CSMD2: variants seen among roughly 807,000 people sequenced by gnomAD.
CSMD2 encodes the protein CUB and Sushi multiple domains 2, also known as CUB and sushi domain-containing protein 2.
CSMD2 carries 130 observed loss-of-function variants against 398.5 expected under a neutral mutation model. That is an observed-to-expected ratio of 0.33 (90% CI 0.28 to 0.38). The LOEUF (loss-of-function observed/expected upper bound fraction) is 0.38, where lower values mean the gene tolerates loss of function less well. Among genes scored for constraint, CSMD2 ranks in the 10% least tolerant of loss-of-function variants. CSMD2 has a pLI of 1.00. For synonymous variants in CSMD2, 1,828 were observed against 1,908.5 expected (o/e 0.96, Z 1.10); for missense variants, 3,829 against 4,764.9 (o/e 0.80, Z 5.78).
intron 5 of CSMD2, among the ~76,000 whole-genome samples, chr1:33,855,145 C>T (rs868109989): frequency 6.6e-6 from 1 of 152,174 alleles, no homozygotes; most frequent in South Asian, 2.1e-4. Flanking sequence ...TTCTGAGTTG[C>T]CCACTCCGTC....
chr1:33,940,442 A>T (rs1236634820), intron 3 of CSMD2, among the ~76,000 whole-genome samples: 4 of 151,986 alleles, frequency 2.6e-5, no homozygotes. Context: ...CCTACCCCTG[A>T]GTGCCTAGTA....
chr1:33,764,601 G>A lies in CSMD2; in HGVS notation c.1846+7968C>T, dbSNP rs114568761. ...TCTGTAGGTCAATGAAACCTTGAAA[G>A]AAGTCTAGAGAAATGAGGGGAATGT... On this transcript the variant is annotated intron_variant, in intron 13 of 70. Coordinates refer to ENST00000373381, the MANE Select transcript of CSMD2 (RefSeq NM_001281956.2). 5.6e-3 allele frequency among the ~76,000 whole-genome samples: 856 copies of A among 152,322 alleles called. 10 individuals are homozygous for A. The highest frequency in any genetic ancestry group is 0.02 in the African/African-American group (833 of 41,578).
rs149704396 is a variant in CSMD2 at position 33,550,272 on chromosome 1, C to T, written c.8822G>A (p.Arg2941Gln). ...GDSYTVGAVV[R>Q]YSCIGKRTLV... ...AGTACGCTTGCCGATGCAGCTGTAC[C>T]GCACCACTGCTCCCACAGTATAACT... The change falls in exon 56 of 71, where the codon CGG becomes CAG. Residue 2941 changes from arginine to glutamine, a missense_variant. Physicochemically the swap from Arg to Gln is conservative, Grantham distance 43. This residue lies in a region of CSMD2 where 917 missense variants were observed against 1,199.5 expected (regional missense o/e 0.76). Transcript: ENST00000373381. 1.1e-3 allele frequency: 1,719 copies of T among 1,614,172 alleles called. 3 individuals are homozygous for T. Among genetic ancestry groups the T allele is most frequent in the Admixed American group, 1.3e-3 (80 of 60,028 alleles).
chr1:33,597,441 T>C (rs1639915518), intron 44 of CSMD2, among the ~76,000 whole-genome samples: 1 of 152,218 alleles, frequency 6.6e-6, no homozygotes, highest in South Asian at 2.1e-4. Context: ...CTCTTTCTCC[T>C]TGGAGCAGGA....
At chr1:33,574,748 C>A (rs949539011) in intron 49 of CSMD2, among the ~76,000 whole-genome samples, 9 of 152,206 alleles carry the variant, frequency 5.9e-5, no homozygotes, top group South Asian at 2.1e-4. Context: ...GGATCAGGAA[C>A]ACAGAAGGAA....
At chr1:33,706,199 T>A (rs193008278) in intron 22 of CSMD2, among the ~76,000 whole-genome samples, 1 of 152,322 alleles carries the variant, frequency 6.6e-6, no homozygotes, top group East Asian at 1.9e-4. Flanking sequence ...TTATTTAATT[T>A]ATTCGTGCTA....
At chr1:33,589,262 T>C (rs2781790) in intron 44 of CSMD2, among the ~76,000 whole-genome samples, 37,451 of 152,062 alleles carry the variant, frequency 0.25, 5,182 homozygotes, top group East Asian at 0.55. Flanking sequence ...GTCAACAGAG[T>C]GACTGTTCCT....
chr1:33,773,718 C>T (rs1651588576), intron 12 of CSMD2, among the ~76,000 whole-genome samples: 1 of 152,088 alleles, frequency 6.6e-6, no homozygotes, highest in Non-Finnish European at 1.5e-5. Context: ...AGAAGGGCGT[C>T]CTGCAGGATA....
chr1:33,902,708 T>C (rs1233237016), intron 5 of CSMD2, among the ~76,000 whole-genome samples: 1 of 152,156 alleles, frequency 6.6e-6, no homozygotes, highest in East Asian at 1.9e-4. Flanking sequence ...AAGAGGTATC[T>C]AGAGAAGAAA....
intron 13 of CSMD2, among the ~76,000 whole-genome samples, chr1:33,748,681 C>A (rs1313544258): frequency 2.0e-5 from 3 of 151,850 alleles, no homozygotes; most frequent in African/African-American, 7.3e-5. Flanking sequence ...ATAATGAGCC[C>A]ATTACAAAAT....
intron 49 of CSMD2, among the ~76,000 whole-genome samples, chr1:33,575,370 G>T (rs1176512411): frequency 6.6e-6 from 1 of 152,114 alleles, no homozygotes; most frequent in African/African-American, 2.4e-5. Context: ...GGGTGGAGGG[G>T]GATTAACAAT....
intron 3 of CSMD2, among the ~76,000 whole-genome samples, chr1:33,980,120 A>G (rs1404540149): frequency 6.6e-6 from 1 of 152,106 alleles, no homozygotes; most frequent in African/African-American, 2.4e-5. Flanking sequence ...CTCAACTCTT[A>G]TCTGGGGCTG....
chr1:33,934,067 T>C (rs1644392522), intron 4 of CSMD2, among the ~76,000 whole-genome samples: 1 of 152,208 alleles, frequency 6.6e-6, no homozygotes, highest in Non-Finnish European at 1.5e-5. Flanking sequence ...TTATCCTTGG[T>C]GTCAATAACA....
intron 29 of CSMD2, among the ~76,000 whole-genome samples, chr1:33,639,999 C>G (rs1262319741): frequency 6.6e-6 from 1 of 152,138 alleles, no homozygotes; most frequent in African/African-American, 2.4e-5. Context: ...AGCCTTTCAG[C>G]TATTTAGAGG....
At chr1:33,637,586 C>A (rs1357240205) in intron 29 of CSMD2, among the ~76,000 whole-genome samples, 1 of 152,174 alleles carries the variant, frequency 6.6e-6, no homozygotes. Context: ...ACCTTTCCTC[C>A]GTCCTCCTTG....
At position 33,743,381 on chromosome 1, in the gene CSMD2, T is replaced by C; in HGVS notation, c.2072A>G (p.Asn691Ser). 2 of 1,614,062 alleles carry C rather than the reference T, an allele frequency of 1.2e-6. No individual in the cohort carries two copies. Among genetic ancestry groups the C allele is most frequent in the Non-Finnish European group, 1.7e-6 (2 of 1,180,010 alleles). Reference protein sequence around the residue: ...EAPVLGTFSGNQLPSSITSSG... With the variant: ...EAPVLGTFSGSQLPSSITSSG... The stretch of plus-strand genomic sequence containing the variant: ...GCTTGTGATGGAGGAGGGAAGCTGG[T>C]TTCCTGAGAAGGTGCCCAGGACGGG... Residue 691 changes from asparagine to serine, a missense_variant, in exon 14 of 71, where the codon AAC (asparagine) becomes AGC (serine). This residue lies in a region of CSMD2 where 2,001 missense variants were observed against 2,567.1 expected (regional missense o/e 0.78). Coordinates refer to ENST00000373381, the MANE Select transcript of CSMD2 (RefSeq NM_001281956.2).
At chr1:33,680,766 T>C (rs562136610) in intron 25 of CSMD2, among the ~76,000 whole-genome samples, 5 of 152,086 alleles carry the variant, frequency 3.3e-5, no homozygotes, top group Non-Finnish European at 7.4e-5. Context: ...CAGGACCCTG[T>C]TCCCCACTGC....
intron 41 of CSMD2, 67 bp from the exon 42 acceptor site, chr1:33,605,537 A>G: frequency 6.6e-7 from 1 of 1,504,552 alleles, no homozygotes; most frequent in Non-Finnish European, 9.2e-7. Context: ...GGCAGAAAGC[A>G]TAGTGGTGAA....
At position 33,677,438 on chromosome 1, in the gene CSMD2, A is replaced by G. The variant is rs1368386021; in HGVS notation, c.4053-14346T>C. Among the ~76,000 whole-genome samples, 5 of 152,118 alleles carry G rather than the reference A, an allele frequency of 3.3e-5. No homozygotes were observed. In the East Asian group the frequency reaches 9.6e-4, roughly 29 times the overall value. ...ACCATCTCACACCAGTTAGAATGGC[A>G]ATCATTAAGTCAGGAAACAACAGGT... On this transcript the variant is annotated intron_variant, in intron 25 of 70. Transcript: ENST00000373381.
Sources: gnomAD v4.1 joint callset for allele counts (sites outside exome capture counted in the v4.1 genomes callset) on GRCh38, gnomAD v4.1.1 for gene constraint, gnomAD v4.1.1 regional missense constraint, MANE v1.5 for transcripts, NCBI Gene and HGNC (gene_info 2026-07-23, HGNC 2026-07-21) for gene names.